The following GPC5 variants were observed in gnomAD, a reference collection of about 807,000 sequenced individuals.
GPC5 encodes glypican-5.
In GPC5, 47 loss-of-function variants were observed where a neutral mutation model predicts 53.9. The observed-to-expected ratio is 0.87, with a 90% CI of 0.69 to 1.11. The LOEUF (loss-of-function observed/expected upper bound fraction) is 1.11, where lower values mean the gene tolerates loss of function less well. Among genes scored for constraint, GPC5 ranks in the 50% most tolerant of loss-of-function variants. The pLI is 0.00. For synonymous variants in GPC5, 286 were observed against 263.3 expected (o/e 1.09, Z -0.84); for missense variants, 748 against 713.1 (o/e 1.05, Z -0.56).
chr13:92,805,684 C>A (rs1321759380), intron 7 of GPC5, among the ~76,000 whole-genome samples: 1 of 151,912 alleles, frequency 6.6e-6, no homozygotes, highest in Non-Finnish European at 1.5e-5. Flanking sequence ...GTGATTCTCC[C>A]AGTTTGGTCT....
At chr13:92,339,582 G>A (rs1377045755) in intron 7 of GPC5, among the ~76,000 whole-genome samples, 1 of 152,028 alleles carries the variant, frequency 6.6e-6, no homozygotes, top group Non-Finnish European at 1.5e-5. Context: ...AGCTAGCAGT[G>A]TCCAATCTGT....
chr13:91,907,427 A>AT (rs397772989), intron 5 of GPC5, among the ~76,000 whole-genome samples: 5 of 145,646 alleles, frequency 3.4e-5, no homozygotes, highest in Admixed American at 7.0e-5. Context: ...GTATATATAT[A>AT]ATATATATTA....
At chr13:92,526,006 A>AC (rs1343295706) in intron 7 of GPC5, among the ~76,000 whole-genome samples, 27 of 151,990 alleles carry the variant, frequency 1.8e-4, no homozygotes, top group Non-Finnish European at 3.7e-4. Context: ...ACTGTTCACT[A>AC]CCCCTTGATT....
At chr13:92,846,276 C>G (rs188849369) in intron 7 of GPC5, among the ~76,000 whole-genome samples, 151 of 152,242 alleles carry the variant, frequency 9.9e-4, no homozygotes, top group African/African-American at 3.3e-3. Context: ...CTAATTACCT[C>G]CCATGAGGTC....
At chr13:92,618,251 A>G (rs1349254407) in intron 7 of GPC5, among the ~76,000 whole-genome samples, 1 of 152,112 alleles carries the variant, frequency 6.6e-6, no homozygotes, top group East Asian at 1.9e-4. Flanking sequence ...TTTCAGGCCA[A>G]ACTAACGTAG....
chr13:92,276,132 T>G (rs2042873523), intron 7 of GPC5, among the ~76,000 whole-genome samples: 1 of 152,098 alleles, frequency 6.6e-6, no homozygotes, highest in African/African-American at 2.4e-5. Flanking sequence ...CCAGTGTGTG[T>G]GTGAAGGTTG....
chr13:92,494,035 A>C (rs575189391), intron 7 of GPC5, among the ~76,000 whole-genome samples: 1 of 146,686 alleles, frequency 6.8e-6, no homozygotes, highest in Non-Finnish European at 1.5e-5. Context: ...GACACTGGAC[A>C]TTAAAAGAAT....
intron 2 of GPC5, among the ~76,000 whole-genome samples, chr13:91,468,854 T>C (rs983810108): frequency 6.6e-6 from 1 of 151,394 alleles, no homozygotes; most frequent in Non-Finnish European, 1.5e-5. Flanking sequence ...TTAAGTTTTC[T>C]TCGTAGCTAA....
chr13:92,072,520 C>T (rs2041220916), intron 6 of GPC5, among the ~76,000 whole-genome samples: 1 of 150,784 alleles, frequency 6.6e-6, no homozygotes, highest in African/African-American at 2.4e-5. Context: ...CTACTTCAGC[C>T]TCCGAAGTGC....
intron 7 of GPC5, among the ~76,000 whole-genome samples, chr13:92,491,271 A>G (rs549761772): frequency 4.6e-5 from 7 of 152,248 alleles, no homozygotes; most frequent in Admixed American, 6.5e-5. Context: ...TATACAGAAA[A>G]AAAGATCTGA....
intron 7 of GPC5, among the ~76,000 whole-genome samples, chr13:92,628,835 TAGA>T (rs898932507): frequency 3.3e-5 from 5 of 152,180 alleles, no homozygotes; most frequent in Admixed American, 2.0e-4. Context: ...CTCATGGAAC[TAGA>T]AGAAGTTCTG....
intron 6 of GPC5, among the ~76,000 whole-genome samples, chr13:92,067,985 A>T (rs1977399): frequency 0.52 from 79,193 of 151,690 alleles, 21,281 homozygotes; most frequent in East Asian, 0.79. Context: ...TACTTTGTAA[A>T]GGGAAAGGGA....
In GPC5 at chr13:91,597,814, T is replaced by C. The variant is rs555581001; in HGVS notation, c.326-95373T>C. ...ATACCCTTTCAGCTTGTCTGTGGGC[T>C]GTTGATTTCAGCTCCTGTTTGCTAC... On this transcript the variant is annotated intron_variant, in intron 2 of 7. Transcript: ENST00000377067. Among the ~76,000 whole-genome samples the C allele has an allele frequency of 3.3e-3, 495 of 152,302 alleles. 2 individuals carry two copies. The highest frequency in any genetic ancestry group is 6.8e-3 in the Middle Eastern group (2 of 294).
At chr13:91,614,873 G>A (rs1411804752) in intron 2 of GPC5, among the ~76,000 whole-genome samples, 1 of 152,096 alleles carries the variant, frequency 6.6e-6, no homozygotes, top group African/African-American at 2.4e-5. Context: ...TGAAGAATAG[G>A]CATGTCCAAG....
At chr13:91,639,196 A>G (rs1397613815) in intron 2 of GPC5, among the ~76,000 whole-genome samples, 1 of 152,234 alleles carries the variant, frequency 6.6e-6, no homozygotes, top group African/African-American at 2.4e-5. Context: ...AATAATTATT[A>G]TAGGTAAACA....
intron 7 of GPC5, among the ~76,000 whole-genome samples, chr13:92,754,993 A>G (rs1182914514): frequency 6.6e-6 from 1 of 152,144 alleles, no homozygotes; most frequent in African/African-American, 2.4e-5. Context: ...ACACACATCT[A>G]CAGAACTCTC....
At chr13:92,190,846 C>G (rs192653599) in intron 7 of GPC5, among the ~76,000 whole-genome samples, 3 of 151,948 alleles carry the variant, frequency 2.0e-5, no homozygotes. Context: ...ATAACAAATA[C>G]GGTAGGTTTT....
At chr13:91,520,421 G>A (rs976220754) in intron 2 of GPC5, among the ~76,000 whole-genome samples, 2 of 152,120 alleles carry the variant, frequency 1.3e-5, no homozygotes, top group Admixed American at 6.6e-5. Context: ...TTTGAATAAA[G>A]TAGATTACAC....
intron 7 of GPC5, among the ~76,000 whole-genome samples, chr13:92,462,059 TAGAG>T (rs1246145511): frequency 4.6e-5 from 7 of 152,076 alleles, no homozygotes; most frequent in African/African-American, 1.7e-4. Flanking sequence ...CTCTACCAGT[TAGAG>T]AGGTACCAGT....
Sources: gnomAD v4.1 joint callset for allele counts (sites outside exome capture counted in the v4.1 genomes callset) on GRCh38, gnomAD v4.1.1 for gene constraint, MANE v1.5 for transcripts, NCBI Gene and HGNC (gene_info 2026-07-23, HGNC 2026-07-21) for gene names.